The following MITF variants were observed in gnomAD, a reference collection of about 807,000 sequenced individuals.
The protein encoded by MITF is melanocyte inducing transcription factor.
In MITF, 17 loss-of-function variants were observed where a neutral mutation model predicts 60.5. The ratio of observed to expected loss-of-function variants is 0.28; its 90% confidence interval spans 0.19 to 0.42. The LOEUF (loss-of-function observed/expected upper bound fraction) is 0.42, where lower values mean the gene tolerates loss of function less well. Ranked by LOEUF, MITF falls within the 10% of genes least tolerant of loss-of-function variation. MITF has a pLI of 1.00. For missense variants in MITF, 622 were observed against 683.5 expected (o/e 0.91, Z 1.00); for synonymous variants, 260 against 248.5 (o/e 1.05, Z -0.43).
At chr3:69,865,972 C>T (rs924019585) in intron 1 of MITF, among the ~76,000 whole-genome samples, 41 of 152,164 alleles carry the variant, frequency 2.7e-4, no homozygotes, top group Non-Finnish European at 4.1e-4. Context: ...CAGCCAGTAC[C>T]GGAGCTGGGT....
chr3:69,826,163 AT>A (rs1352693120), intron 1 of MITF, among the ~76,000 whole-genome samples: 1 of 152,134 alleles, frequency 6.6e-6, no homozygotes, highest in Non-Finnish European at 1.5e-5. Context: ...CTAATTGAAC[AT>A]TACCTGCACC....
intron 1 of MITF, among the ~76,000 whole-genome samples, chr3:69,796,683 T>A (rs2106935762): frequency 6.6e-6 from 1 of 151,746 alleles, no homozygotes; most frequent in South Asian, 2.1e-4. Context: ...ATTTTTTGTA[T>A]TTTTGGTAGA....
At position 69,759,995 on chromosome 3, in the gene MITF, G is replaced by A. The variant is rs536965957; in HGVS notation, c.104+20294G>A. ...GGGTTTCACCGTGTTAGCCAGGGTG[G>A]TCTCGATCTCCTGACCTCGTGATCC... On this transcript the variant is annotated intron_variant, in intron 1 of 9. Coordinates refer to ENST00000352241, the MANE Select transcript of MITF (RefSeq NM_001354604.2). Among the ~76,000 whole-genome samples, 10 of 152,260 alleles carry A rather than the reference G, an allele frequency of 6.6e-5. No individual in the cohort carries two copies. In the East Asian group the frequency reaches 1.9e-3, roughly 29 times the overall value.
chr3:69,795,078 G>T (rs570159198), intron 1 of MITF, among the ~76,000 whole-genome samples: 2 of 152,280 alleles, frequency 1.3e-5, no homozygotes, highest in South Asian at 4.2e-4. Flanking sequence ...CCCTGTACAT[G>T]TCTTCAGTGG....
chr3:69,885,117 G>A (rs868133614), intron 2 of MITF, among the ~76,000 whole-genome samples: 7 of 152,086 alleles, frequency 4.6e-5, no homozygotes, highest in African/African-American at 1.4e-4. Flanking sequence ...GTTGTGGATA[G>A]GGCCTGATGT....
intron 1 of MITF, among the ~76,000 whole-genome samples, chr3:69,843,039 A>G (rs191371103): frequency 6.6e-6 from 1 of 152,248 alleles, no homozygotes; most frequent in Admixed American, 6.5e-5. Context: ...CTGTCCAGTA[A>G]AGCAAATGGC....
chr3:69,909,392 G>C (rs140672720), intron 2 of MITF, among the ~76,000 whole-genome samples: 2,382 of 152,226 alleles, frequency 0.016, 29 homozygotes, highest in Middle Eastern at 0.051. Context: ...TGGACTAATA[G>C]AGTAAATTGG....
chr3:69,943,240 A>G (rs1020919559), intron 5 of MITF, among the ~76,000 whole-genome samples: 4 of 151,926 alleles, frequency 2.6e-5, no homozygotes, highest in African/African-American at 9.7e-5. Context: ...CTCCACAAAA[A>G]AATCAAGGCA....
chr3:69,931,773 A>G (rs147822293), intron 2 of MITF, among the ~76,000 whole-genome samples: 187 of 152,272 alleles, frequency 1.2e-3, no homozygotes, highest in African/African-American at 4.3e-3. Context: ...ACACCCCTGG[A>G]TTTACACAGT....
chr3:69,741,193 G>A (rs1343112794), intron 1 of MITF, among the ~76,000 whole-genome samples: 1 of 152,132 alleles, frequency 6.6e-6, no homozygotes, highest in Non-Finnish European at 1.5e-5. Context: ...GTGTGTTGGG[G>A]GCTGGGGGTT....
At chr3:69,923,477 T>TG (rs35479499) in intron 2 of MITF, among the ~76,000 whole-genome samples, 1 of 152,206 alleles carries the variant, frequency 6.6e-6, no homozygotes, top group South Asian at 2.1e-4. Context: ...CCTGAGTAGC[T>TG]GGGACTGCAG....
intron 1 of MITF, among the ~76,000 whole-genome samples, chr3:69,743,150 C>A (rs1402216979): frequency 6.6e-6 from 1 of 152,150 alleles, no homozygotes; most frequent in African/African-American, 2.4e-5. Flanking sequence ...CCAGCAGCAT[C>A]CCTGGCCTCT....
At chr3:69,805,072 A>G (rs1359242936) in intron 1 of MITF, among the ~76,000 whole-genome samples, 2 of 152,202 alleles carry the variant, frequency 1.3e-5, no homozygotes, top group African/African-American at 4.8e-5. Flanking sequence ...CATTCTATTT[A>G]AACAAACAAG....
intron 1 of MITF, among the ~76,000 whole-genome samples, chr3:69,759,223 T>C (rs1448893889): frequency 6.6e-6 from 1 of 152,208 alleles, no homozygotes; most frequent in Non-Finnish European, 1.5e-5. Context: ...TTATTTAATA[T>C]ATATTGTTGA....
intron 1 of MITF, among the ~76,000 whole-genome samples, chr3:69,858,502 A>G (rs1386829987): frequency 6.6e-6 from 1 of 152,130 alleles, no homozygotes. Flanking sequence ...ACTTATTTAA[A>G]TACACGACTT....
At chr3:69,852,462 T>G in intron 1 of MITF, among the ~76,000 whole-genome samples, 1 of 152,200 alleles carries the variant, frequency 6.6e-6, no homozygotes, top group East Asian at 1.9e-4. Context: ...CGCTTAACAT[T>G]ATGTATGTGA....
intron 1 of MITF, among the ~76,000 whole-genome samples, chr3:69,863,265 G>A (rs186125797): frequency 5.3e-5 from 8 of 152,234 alleles, no homozygotes; most frequent in Admixed American, 3.9e-4. Context: ...GGAAATGCAC[G>A]TAACATCTCA....
chr3:69,941,287 G>A lies in MITF; in HGVS notation c.718G>A (p.Glu240Lys), dbSNP rs2107490619. The A allele has an allele frequency of 6.2e-7, 1 of 1,613,312 alleles. No individual in the cohort carries two copies. The highest frequency in any genetic ancestry group is 1.1e-5 in the South Asian group (1 of 91,044). Residue 240 changes from glutamate (E) to lysine (K), a missense_variant, in exon 5 of 10, where the codon GAA becomes AAA. Physicochemically the swap from Glu to Lys is moderately conservative, Grantham distance 56. This residue lies in a region of MITF where 215 missense variants were observed against 224.8 expected (regional missense o/e 0.96). Transcript: ENST00000352241. ...IISLESSYNE[E>K]ILGLMDPALQ... ...TAGCCTAGAATCAAGTTATAATGAGGAAATCTTGGGCTTGATGGATCCTGC... is the reference window on the plus strand; with the variant it reads ...TAGCCTAGAATCAAGTTATAATGAGAAAATCTTGGGCTTGATGGATCCTGC...
At chr3:69,823,937 T>C (rs762790049) in intron 1 of MITF, among the ~76,000 whole-genome samples, 23 of 152,226 alleles carry the variant, frequency 1.5e-4, no homozygotes, top group Non-Finnish European at 3.2e-4. Flanking sequence ...AGGCCACGAC[T>C]CACACATTCC....
Sources: allele counts gnomAD v4.1 joint callset (sites outside exome capture counted in the v4.1 genomes callset), GRCh38; gene constraint gnomAD v4.1.1; regional missense constraint gnomAD v4.1.1; transcripts MANE v1.5; gene names NCBI Gene and HGNC (gene_info 2026-07-23, HGNC 2026-07-21).